The following SUSD4 variants were observed in gnomAD, a reference collection of about 807,000 sequenced individuals.
The protein encoded by SUSD4 is sushi domain-containing protein 4.
Under a neutral mutation model 50.5 loss-of-function variants are expected in SUSD4, and 41 were observed. That is an observed-to-expected ratio of 0.81 (90% CI 0.63 to 1.05). The LOEUF is 1.05. Ranked by LOEUF, SUSD4 falls within the 50% of genes least tolerant of loss-of-function variation. The pLI, the probability that SUSD4 is intolerant of heterozygous loss-of-function variation, is 0.00. For missense variants in SUSD4, 580 were observed against 634.7 expected (o/e 0.91, Z 0.93); for synonymous variants, 257 against 257.3 (o/e 1.00, Z 0.01).
At position 223,363,443 on chromosome 1, in the gene SUSD4, C is replaced by G; in HGVS notation, c.-18G>C. 1 of 1,527,312 alleles carries G rather than the reference C, an allele frequency of 6.5e-7. No individual in the cohort carries two copies. Among genetic ancestry groups the G allele is most frequent in the Non-Finnish European group, 8.8e-7 (1 of 1,132,294 alleles). 94.6% of individuals were successfully genotyped at this position (1,527,312 alleles called of 1,614,324 possible). A position where few individuals can be genotyped will look rare whatever the true frequency, so the allele number is the denominator to read the frequency against. On this transcript the variant is annotated 5_prime_UTR_variant, in exon 2 of 9. The change abolishes an upstream ATG in the 5' untranslated region. Coordinates refer to ENST00000366878, the MANE Select transcript of SUSD4 (RefSeq NM_017982.4). ...TGATACATCTTTCATCCACAGAGGG[C>G]ATCCAGCTTGCAAGAGTCTGCAACC...
chr1:223,263,333 ACACT>A (rs1662252735), intron 5 of SUSD4, among the ~76,000 whole-genome samples: 1 of 152,234 alleles, frequency 6.6e-6, no homozygotes. Flanking sequence ...AAAATTCAAG[ACACT>A]CAGTTATTAA....
chr1:223,259,805 C>A (rs1438698056), intron 5 of SUSD4, among the ~76,000 whole-genome samples: 1 of 152,080 alleles, frequency 6.6e-6, no homozygotes, highest in Non-Finnish European at 1.5e-5. Flanking sequence ...ATGGTTGGTT[C>A]ATTTACTTAT....
chr1:223,227,857 G>T lies in SUSD4; in HGVS notation c.917-119C>A. 1 of 1,313,440 alleles carries T rather than the reference G, an allele frequency of 7.6e-7. No individual in the cohort carries two copies. Among genetic ancestry groups the T allele is most frequent in the Non-Finnish European group, 1.0e-6 (1 of 966,122 alleles). 81.4% of individuals were successfully genotyped at this position (1,313,440 alleles called of 1,614,324 possible). On this transcript the variant is annotated intron_variant, in intron 6 of 8. Transcript: ENST00000366878. This position sits in a 1 kb window ranked among gnomAD's most constrained non-coding sequence, Gnocchi z 4.5. Reference sequence around the variant, plus strand: ...CAAGAGATGCGTGCAAGGTGCCTCTGACCCCCAGGGCTCGGCAGAGATACC... The same window carrying T: ...CAAGAGATGCGTGCAAGGTGCCTCTTACCCCCAGGGCTCGGCAGAGATACC...
chr1:223,278,881 C>T (rs1300900850), intron 3 of SUSD4, among the ~76,000 whole-genome samples: 3 of 152,198 alleles, frequency 2.0e-5, no homozygotes, highest in East Asian at 3.9e-4. Context: ...TCCAGAGGAA[C>T]GATCAGGTAG....
At chr1:223,283,149 A>G (rs1229647929) in intron 3 of SUSD4, among the ~76,000 whole-genome samples, 1 of 152,220 alleles carries the variant, frequency 6.6e-6, no homozygotes, top group Non-Finnish European at 1.5e-5. Context: ...CCTAGGCAAT[A>G]CCATTCAGGA....
chr1:223,269,671 G>A (rs922944374), intron 3 of SUSD4, among the ~76,000 whole-genome samples: 3 of 152,162 alleles, frequency 2.0e-5, no homozygotes, highest in African/African-American at 7.2e-5. Flanking sequence ...CTACAGATGG[G>A]TTATGTTCCA....
intron 2 of SUSD4, among the ~76,000 whole-genome samples, chr1:223,297,247 T>C (rs1664888663): frequency 6.6e-6 from 1 of 152,174 alleles, no homozygotes; most frequent in African/African-American, 2.4e-5. Flanking sequence ...ACACAGTATG[T>C]GTGGACTGCT....
intron 3 of SUSD4, among the ~76,000 whole-genome samples, chr1:223,283,210 C>T (rs1405559428): frequency 6.6e-6 from 1 of 152,172 alleles, no homozygotes; most frequent in East Asian, 1.9e-4. Context: ...GCAATGGTAA[C>T]AACAGTCAAA....
At chr1:223,272,681 G>A (rs567520800) in intron 3 of SUSD4, among the ~76,000 whole-genome samples, 6 of 152,178 alleles carry the variant, frequency 3.9e-5, no homozygotes, top group South Asian at 2.1e-4. Context: ...CATAATACAC[G>A]CTCAAGAGAT....
chr1:223,360,006 C>T (rs1374880722), intron 2 of SUSD4, among the ~76,000 whole-genome samples: 3 of 152,102 alleles, frequency 2.0e-5, no homozygotes, highest in Non-Finnish European at 4.4e-5. Context: ...TCTTAGCCCC[C>T]TCCGCCCTAC....
intron 2 of SUSD4, among the ~76,000 whole-genome samples, chr1:223,317,274 C>A (rs1666256134): frequency 6.6e-6 from 1 of 152,202 alleles, no homozygotes; most frequent in South Asian, 2.1e-4. Flanking sequence ...TGACAGTTTA[C>A]AAATGCCATG....
chr1:223,247,504 T>G (rs542289138), intron 5 of SUSD4, among the ~76,000 whole-genome samples: 9 of 152,296 alleles, frequency 5.9e-5, no homozygotes, highest in African/African-American at 1.9e-4. Context: ...TGAGCCATCA[T>G]CCCTTTTTGG....
intron 3 of SUSD4, among the ~76,000 whole-genome samples, chr1:223,286,951 C>G (rs995870953): frequency 6.6e-6 from 1 of 152,212 alleles, no homozygotes; most frequent in African/African-American, 2.4e-5. Flanking sequence ...AAGCTTCACT[C>G]TTCTGGGTGA....
At chr1:223,251,390 G>A (rs187306342) in intron 5 of SUSD4, among the ~76,000 whole-genome samples, 2 of 152,264 alleles carry the variant, frequency 1.3e-5, no homozygotes, top group East Asian at 1.9e-4. Flanking sequence ...CTCAGAGCAA[G>A]AACTCACTCA....
intron 5 of SUSD4, among the ~76,000 whole-genome samples, chr1:223,262,448 G>A (rs540989205): frequency 6.6e-6 from 1 of 152,312 alleles, no homozygotes; most frequent in South Asian, 2.1e-4. Flanking sequence ...CGATTCCTTT[G>A]TGACAGTTCG....
intron 3 of SUSD4, among the ~76,000 whole-genome samples, chr1:223,278,399 G>A (rs996020003): frequency 2.6e-5 from 4 of 152,134 alleles, no homozygotes; most frequent in Non-Finnish European, 4.4e-5. Context: ...CTTAGCAAAC[G>A]GCACACCAGG....
At position 223,334,683 on chromosome 1, in the gene SUSD4, G is replaced by A. The variant is rs149286531; in HGVS notation, c.148+28595C>T. ...AGAGTAATGCCTTCAAAATTATGAGGGAAATTTTTTAAAATTTTTTATTTC... is the reference window on the plus strand; with the variant it reads ...AGAGTAATGCCTTCAAAATTATGAGAGAAATTTTTTAAAATTTTTTATTTC... On this transcript the variant is annotated intron_variant, in intron 2 of 8. Coordinates refer to ENST00000366878, the MANE Select transcript of SUSD4 (RefSeq NM_017982.4). Among the ~76,000 whole-genome samples the A allele has an allele frequency of 2.8e-3, 425 of 152,170 alleles. 2 individuals carry two copies. Among genetic ancestry groups the A allele is most frequent in the Non-Finnish European group, 4.4e-3 (300 of 68,010 alleles).
At chr1:223,263,588 G>C in intron 5 of SUSD4, 1 of 985,294 alleles carries the variant, frequency 1.0e-6, no homozygotes, top group Non-Finnish European at 1.2e-6. Context: ...CAATGGGAAG[G>C]GCTGGCCTTC....
chr1:223,251,236 C>G (rs1037279652), intron 5 of SUSD4, among the ~76,000 whole-genome samples: 2 of 152,190 alleles, frequency 1.3e-5, no homozygotes, highest in Admixed American at 6.5e-5. Context: ...CAGCATGGCT[C>G]CATCATCTGC....
Sources: allele counts gnomAD v4.1 joint callset (sites outside exome capture counted in the v4.1 genomes callset), GRCh38; gene constraint gnomAD v4.1.1; non-coding constraint Gnocchi (gnomAD v3.1); transcripts MANE v1.5; gene names NCBI Gene and HGNC (gene_info 2026-07-23, HGNC 2026-07-21).